The following FRMD4A variants were observed in gnomAD, a reference collection of about 807,000 sequenced individuals.
The protein encoded by FRMD4A is FERM domain containing 4A, also known as FERM domain-containing protein 4A.
Under a neutral mutation model 129.1 loss-of-function variants are expected in FRMD4A, and 29 were observed. The observed-to-expected ratio is 0.22, with a 90% CI of 0.17 to 0.31. The LOEUF (loss-of-function observed/expected upper bound fraction) is 0.31. Ranked by LOEUF, FRMD4A falls within the 10% of genes least tolerant of loss-of-function variation. The pLI is 1.00. For missense variants in FRMD4A, 1,272 were observed against 1,375.8 expected (o/e 0.92, Z 1.19); for synonymous variants, 634 against 571.6 (o/e 1.11, Z -1.56).
intron 2 of FRMD4A, among the ~76,000 whole-genome samples, chr10:14,250,555 T>C (rs1446251393): frequency 6.6e-6 from 1 of 152,224 alleles, no homozygotes; most frequent in African/African-American, 2.4e-5. Context: ...TATAAAAGCC[T>C]GTCTTGTAGA....
intron 2 of FRMD4A, among the ~76,000 whole-genome samples, chr10:13,874,542 A>G (rs2094470865): frequency 6.6e-6 from 1 of 152,202 alleles, no homozygotes; most frequent in African/African-American, 2.4e-5. Context: ...AAGCAAAAGT[A>G]AAAAGTTAAT....
intron 2 of FRMD4A, among the ~76,000 whole-genome samples, chr10:14,220,812 TTGTGTG>T (rs60118766): frequency 2.2e-5 from 1 of 45,356 alleles, no homozygotes; most frequent in African/African-American, 4.3e-5. Flanking sequence ...GTGTGTGTGT[TTGTGTG>T]TGTGTGTGTG....
chr10:13,960,813 T>TA (rs2095441784), intron 2 of FRMD4A, among the ~76,000 whole-genome samples: 1 of 152,118 alleles, frequency 6.6e-6, no homozygotes, highest in South Asian at 2.1e-4. Flanking sequence ...GTCTGACCCA[T>TA]AAAAATCTCT....
At chr10:13,829,111 G>C (rs900143252) in intron 3 of FRMD4A, among the ~76,000 whole-genome samples, 2 of 152,164 alleles carry the variant, frequency 1.3e-5, no homozygotes, top group Non-Finnish European at 2.9e-5. Context: ...CCACATCCAA[G>C]CCTCACCCAA....
At chr10:14,067,070 C>T (rs1487660145) in intron 2 of FRMD4A, among the ~76,000 whole-genome samples, 1 of 152,134 alleles carries the variant, frequency 6.6e-6, no homozygotes, top group Admixed American at 6.5e-5. Flanking sequence ...GTAATCCCAG[C>T]ACTTTGGGAG....
chr10:14,246,620 C>T (rs1051709153), intron 2 of FRMD4A, among the ~76,000 whole-genome samples: 4 of 152,200 alleles, frequency 2.6e-5, no homozygotes, highest in South Asian at 4.1e-4. Flanking sequence ...CGCACACACA[C>T]GCACATACAG....
intron 2 of FRMD4A, among the ~76,000 whole-genome samples, chr10:14,099,549 G>A (rs1837189787): frequency 6.6e-6 from 1 of 152,246 alleles, no homozygotes; most frequent in Non-Finnish European, 1.5e-5. Context: ...CTATACGAAA[G>A]TTGGCCCTGT....
intron 2 of FRMD4A, among the ~76,000 whole-genome samples, chr10:14,238,121 G>A (rs1345322732): frequency 6.6e-6 from 1 of 152,184 alleles, no homozygotes; most frequent in African/African-American, 2.4e-5. Context: ...AGAACAACAA[G>A]GCACCAGTTA....
rs1589244146 is a variant in FRMD4A at position 13,659,999 on chromosome 10, G to A, written c.1898+317C>T. ...GAACCACTCTGCATTTGCTCCGAGT[G>A]GACTTTCACTTGCTATTTCAGAATA... On this transcript the variant is annotated intron_variant, in intron 20 of 24. Transcript: ENST00000357447. 2.0e-5 allele frequency among the ~76,000 whole-genome samples: 3 copies of A among 152,284 alleles called. No individual in the cohort carries two copies. The East Asian group carries it at 5.8e-4, about 29-fold the overall frequency.
At chr10:14,204,572 A>T (rs1842727725) in intron 2 of FRMD4A, among the ~76,000 whole-genome samples, 1 of 152,222 alleles carries the variant, frequency 6.6e-6, no homozygotes, top group African/African-American at 2.4e-5. Flanking sequence ...TCGCAACTAC[A>T]AAATGAATAG....
At chr10:14,154,933 C>T (rs1464268057) in intron 2 of FRMD4A, among the ~76,000 whole-genome samples, 2 of 152,172 alleles carry the variant, frequency 1.3e-5, no homozygotes, top group Non-Finnish European at 2.9e-5. Flanking sequence ...CAATCCTGGG[C>T]CAGTACTCAA....
intron 2 of FRMD4A, among the ~76,000 whole-genome samples, chr10:13,985,605 T>A (rs899666790): frequency 1.3e-5 from 2 of 152,108 alleles, no homozygotes; most frequent in Non-Finnish European, 2.9e-5. Flanking sequence ...GGGAGCAGGG[T>A]TAGCAAAAGC....
chr10:14,014,448 G>C (rs1479710262), intron 2 of FRMD4A, among the ~76,000 whole-genome samples: 1 of 152,140 alleles, frequency 6.6e-6, no homozygotes, highest in African/African-American at 2.4e-5. Flanking sequence ...AGAGCAGGAG[G>C]GGGGAGTTTG....
rs557820913 is a variant in FRMD4A, at chr10:14,149,164, T to C, written c.45+180894A>G. Among the ~76,000 whole-genome samples the C allele has an allele frequency of 2.0e-5, 3 of 152,328 alleles. No individual in the cohort carries two copies. In the South Asian group the frequency reaches 6.2e-4, roughly 32 times the overall value. Reference sequence around the variant, plus strand: ...ACATACTTTCATAGACCATTGTTTTTATAGAAAACCCATGCTATGTAAGTA... The same window carrying C: ...ACATACTTTCATAGACCATTGTTTTCATAGAAAACCCATGCTATGTAAGTA... On this transcript the variant is annotated intron_variant, in intron 2 of 24. Transcript: ENST00000357447.
chr10:14,048,720 C>T (rs1332997202), intron 2 of FRMD4A, among the ~76,000 whole-genome samples: 2 of 152,076 alleles, frequency 1.3e-5, no homozygotes, highest in Non-Finnish European at 2.9e-5. Flanking sequence ...GCAGGATAAT[C>T]GCTTGAACCT....
chr10:13,946,168 T>A (rs781245866), intron 2 of FRMD4A, among the ~76,000 whole-genome samples: 5 of 152,148 alleles, frequency 3.3e-5, no homozygotes, highest in Non-Finnish European at 7.3e-5. Flanking sequence ...GGAGAGCCAG[T>A]GAAGTCAGAG....
intron 3 of FRMD4A, among the ~76,000 whole-genome samples, chr10:13,854,586 A>ATTTTTTTTTTTT: frequency 7.7e-6 from 1 of 130,530 alleles, no homozygotes. Context: ...ACACCGAGCT[A>ATTTTTTTTTTTT]TTTTTTTTTT....
At chr10:13,908,424 T>A (rs2094906177) in intron 2 of FRMD4A, among the ~76,000 whole-genome samples, 1 of 152,218 alleles carries the variant, frequency 6.6e-6, no homozygotes, top group African/African-American at 2.4e-5. Context: ...ATACACTGTT[T>A]TGTGTGTTTT....
At position 13,825,927 on chromosome 10, in the gene FRMD4A, C is replaced by T. The variant is rs111430882; in HGVS notation, c.112-15019G>A. On this transcript the variant is annotated intron_variant, in intron 3 of 24. Transcript: ENST00000357447. ...CCTGCAACCAATGCCCTGTGGATGC[C>T]AAGGGATAACTGTGCTGTGATTCTC... is the stretch of plus-strand genomic sequence containing the variant. 7.4e-3 allele frequency among the ~76,000 whole-genome samples: 1,121 copies of T among 152,276 alleles called. 15 individuals are homozygous for T. Among genetic ancestry groups the T allele is most frequent in the African/African-American group, 0.026 (1,084 of 41,546 alleles).
Sources: allele counts gnomAD v4.1 joint callset (sites outside exome capture counted in the v4.1 genomes callset), GRCh38; gene constraint gnomAD v4.1.1; transcripts MANE v1.5; gene names NCBI Gene and HGNC (gene_info 2026-07-23, HGNC 2026-07-21).